The following MYO7A variants were observed in gnomAD, a reference collection of about 807,000 sequenced individuals.
MYO7A encodes the protein unconventional myosin-VIIa.
Under a neutral mutation model 263.8 loss-of-function variants are expected in MYO7A, and 210 were observed. The ratio of observed to expected loss-of-function variants is 0.80; its 90% CI spans 0.71 to 0.89. The LOEUF is 0.89. MYO7A is among the 40% of genes least tolerant of loss of function. The probability of loss-of-function intolerance (pLI) is 0.00; values close to 1 mark genes in which losing one functional copy is unlikely to be tolerated. For missense variants in MYO7A, 2,820 were observed against 2,968.3 expected (o/e 0.95, Z 1.16); for synonymous variants, 1,239 against 1,197.3 (o/e 1.03, Z -0.72).
At chr11:77,184,499 TG>T in intron 26 of MYO7A, 88 bp from the exon 27 acceptor site, 1 of 1,149,726 alleles carries the variant, frequency 8.7e-7, no homozygotes, top group Non-Finnish European at 1.3e-6. Context: ...TTCTGTTTTC[TG>T]GGGAGCAGGC....
chr11:77,162,923 A>G lies in MYO7A; in HGVS notation c.1625A>G (p.Lys542Arg), dbSNP rs1555070184. 2 of 1,613,846 alleles carry G rather than the reference A, an allele frequency of 1.2e-6. No homozygotes were observed. Among genetic ancestry groups the G allele is most frequent in the Admixed American group, 1.7e-5 (1 of 60,006 alleles). ...CTCAACGCCAACTACATCCCCCCCA[A>G]GAACAACCATGAGACCCAGTTTGGC... The part of the protein sequence containing the change: ...HKLNANYIPP[K>R]NNHETQFGIN... Residue 542 changes from lysine (K) to arginine (R), a missense_variant, in exon 14 of 49, where the codon AAG (lysine) becomes AGG (arginine). Physicochemically the swap from Lys to Arg is conservative, Grantham distance 26 (BLOSUM62 2). Coordinates refer to ENST00000409709, the MANE Select transcript of MYO7A (RefSeq NM_000260.4).
intron 11 of MYO7A, among the ~76,000 whole-genome samples, chr11:77,160,586 C>A (rs1182455177): frequency 6.6e-6 from 1 of 152,132 alleles, no homozygotes; most frequent in Non-Finnish European, 1.5e-5. Context: ...TAGGTCAGGT[C>A]CTGTTTCTAC....
chr11:77,183,289 G>A, intron 26 of MYO7A, 132 bp downstream of exon 26: 1 of 777,364 alleles, frequency 1.3e-6, no homozygotes, highest in Non-Finnish European at 2.2e-6. Flanking sequence ...AGGGGTCTTG[G>A]CTGGCCAGGG....
At position 77,160,953 on chromosome 11, in the gene MYO7A, G is replaced by A. The variant is rs573900094; in HGVS notation, c.1201-20G>A. The A allele has an allele frequency of 4.7e-5, 74 of 1,582,184 alleles. 1 individual carries two copies. The South Asian group carries it at 8.0e-4, about 17-fold the overall frequency. On this transcript the variant is annotated intron_variant, in intron 11 of 48. Coordinates refer to ENST00000409709, the MANE Select transcript of MYO7A (RefSeq NM_000260.4). Reference sequence around the variant, plus strand: ...GGGGGAGGGTGTGGCTGGTGCCAGTGGCTGATCACTGCCTTTCAGGGGATC... The same window carrying A: ...GGGGGAGGGTGTGGCTGGTGCCAGTAGCTGATCACTGCCTTTCAGGGGATC...
chr11:77,157,327 A>G lies in MYO7A; in HGVS notation c.784A>G (p.Met262Val). The G allele has an allele frequency of 1.2e-6, 2 of 1,612,552 alleles. No individual in the cohort carries two copies. The highest frequency in any genetic ancestry group is 1.3e-5 in the African/African-American group (1 of 75,028). ...YHVFYCMLEG[M>V]SEDQKKKLGL... Reference sequence around the variant, plus strand: ...CGTGTTCTACTGCATGCTGGAGGGTATGAGTGAGGATCAGAAGAAGAAGCT... The same window carrying G: ...CGTGTTCTACTGCATGCTGGAGGGTGTGAGTGAGGATCAGAAGAAGAAGCT... Residue 262 changes from methionine (M) to valine (V), a missense_variant, in exon 8 of 49, where the codon ATG becomes GTG. Physicochemically the swap from Met to Val is conservative, Grantham distance 21. Coordinates refer to ENST00000409709, the MANE Select transcript of MYO7A (RefSeq NM_000260.4).
At chr11:77,176,469 T>G (rs1453573816) in intron 18 of MYO7A, among the ~76,000 whole-genome samples, 1 of 152,116 alleles carries the variant, frequency 6.6e-6, no homozygotes, top group Non-Finnish European at 1.5e-5. Context: ...CAGAGAGAAG[T>G]GAGTTGCCTG....
At chr11:77,162,422 G>A (rs1555069716) in intron 13 of MYO7A, 92 bp downstream of exon 13, 1 of 1,236,062 alleles carries the variant, frequency 8.1e-7, no homozygotes, top group East Asian at 2.5e-5. Context: ...CTGCAAAATA[G>A]GACTAATGAT....
intron 4 of MYO7A, among the ~76,000 whole-genome samples, chr11:77,153,357 G>C (rs1555058466): frequency 2.6e-5 from 4 of 152,074 alleles, no homozygotes; most frequent in Admixed American, 6.5e-5. Context: ...TTGGAGGGAA[G>C]GGGGAGCTCT....
intron 22 of MYO7A, among the ~76,000 whole-genome samples, 179 bp from the exon 23 acceptor site, chr11:77,181,201 G>C (rs1955152483): frequency 6.6e-6 from 1 of 152,202 alleles, no homozygotes; most frequent in African/African-American, 2.4e-5. Flanking sequence ...TATTTGGCTT[G>C]TTGAGAGGCC....
intron 14 of MYO7A, 61 bp downstream of exon 14, chr11:77,163,049 A>G: frequency 6.3e-7 from 1 of 1,577,062 alleles, no homozygotes; most frequent in South Asian, 1.1e-5. Flanking sequence ...CCCCTGCTCC[A>G]GCCCAGGAAT....
At position 77,197,509 on chromosome 11, in the gene MYO7A, C is replaced by A; in HGVS notation, c.4352C>A (p.Ala1451Asp). ...KGIYAQRRTD[A>D]QKVKEDVVSY... ...ATTTATGCCCAGAGGAGAACTGATGCCCAGAAGGTCAAAGAGGATGTGGTC... is the reference window on the plus strand; with the variant it reads ...ATTTATGCCCAGAGGAGAACTGATGACCAGAAGGTCAAAGAGGATGTGGTC... Residue 1451 changes from alanine to aspartate, a missense_variant, in exon 33 of 49, where the codon GCC (alanine) becomes GAC (aspartate). Ala to Asp is a moderately radical substitution (Grantham distance 126, BLOSUM62 -2). Coordinates refer to ENST00000409709, the MANE Select transcript of MYO7A (RefSeq NM_000260.4). The A allele has an allele frequency of 1.2e-6, 2 of 1,605,834 alleles. No individual in the cohort carries two copies. Among genetic ancestry groups the A allele is most frequent in the Non-Finnish European group, 1.7e-6 (2 of 1,176,046 alleles).
At chr11:77,206,709 C>T (rs192864622) in intron 41 of MYO7A, among the ~76,000 whole-genome samples, 43 of 152,322 alleles carry the variant, frequency 2.8e-4, no homozygotes, top group African/African-American at 1.0e-3. Flanking sequence ...CTCATGGTCC[C>T]CAGCCCCTGC....
At chr11:77,191,926 C>T (rs1014185774) in intron 30 of MYO7A, 125 bp from the exon 31 acceptor site, 7 of 795,052 alleles carry the variant, frequency 8.8e-6, no homozygotes, top group South Asian at 1.8e-5. Context: ...TCCTGGGGGC[C>T]TTGGACGTGT....
At chr11:77,214,084 G>A in intron 48 of MYO7A, 105 bp downstream of exon 48, 1 of 1,507,612 alleles carries the variant, frequency 6.6e-7, no homozygotes, top group Middle Eastern at 1.9e-4. Flanking sequence ...CTGGGCCTGG[G>A]GTCGTGGGCA....
chr11:77,163,039 C>G (rs2135313600), intron 14 of MYO7A, 51 bp downstream of exon 14: 2 of 1,597,700 alleles, frequency 1.3e-6, no homozygotes, highest in Middle Eastern at 1.7e-4. Context: ...GCCCTGCCTT[C>G]CCCTGCTCCA....
intron 34 of MYO7A, among the ~76,000 whole-genome samples, 167 bp downstream of exon 34, chr11:77,198,788 G>A (rs567651882): frequency 1.3e-5 from 2 of 152,360 alleles, no homozygotes; most frequent in East Asian, 3.9e-4. Flanking sequence ...TCCTAGTGGA[G>A]GGATGGGCTT....
In MYO7A at chr11:77,172,820, A is replaced by G; in HGVS notation, c.1870A>G (p.Thr624Ala). 1 of 1,553,288 alleles carries G rather than the reference A, an allele frequency of 6.4e-7. No homozygotes were observed. Among genetic ancestry groups the G allele is most frequent in the East Asian group, 2.4e-5 (1 of 41,016 alleles). The change falls in exon 16 of 49, where the codon ACG becomes GCG. Residue 624 changes from threonine to alanine, a missense_variant. Physicochemically the swap from Thr to Ala is moderately conservative, Grantham distance 58. Transcript: ENST00000409709. ...FKRSLELLMR[T>A]LGACQPFFVR... ...GCGGTCACTGGAGCTGCTGATGCGC[A>G]CGCTGGGTGCCTGCCAGCCCTTCTT...
chr11:77,192,143 C>G lies in MYO7A; in HGVS notation c.4017C>G (p.Asn1339Lys), dbSNP rs767000906. ...YAKEQGAQERNAPWRLFFRKE... is the reference protein window; with the variant it reads ...YAKEQGAQERKAPWRLFFRKE... ...AGGAGCAGGGCGCCCAGGAGCGCAA[C>G]GCCCCCTGGAGGCTCTTCTTCCGCA... is the stretch of plus-strand genomic sequence containing the variant. The change falls in exon 31 of 49, where the codon AAC becomes AAG. Residue 1339 changes from asparagine (N) to lysine (K), a missense_variant. Transcript: ENST00000409709. The G allele has an allele frequency of 6.2e-7, 1 of 1,613,974 alleles. No homozygotes were observed. Among genetic ancestry groups the G allele is most frequent in the Non-Finnish European group, 8.5e-7 (1 of 1,179,896 alleles).
In MYO7A at chr11:77,153,597, C is replaced by T. The variant is rs927673830; in HGVS notation, c.286-2310C>T. ...TGCACGTGGCCACAGAGCCTGCTCC[C>T]AGGGCCTCCCTCCATCGGGCTCTGA... On this transcript the variant is annotated intron_variant, in intron 4 of 48. Coordinates refer to ENST00000409709, the MANE Select transcript of MYO7A (RefSeq NM_000260.4). Among the ~76,000 whole-genome samples, 49 of 152,326 alleles carry T rather than the reference C, an allele frequency of 3.2e-4. 1 individual carries two copies. The highest frequency in any genetic ancestry group is 1.2e-3 in the African/African-American group (48 of 41,576).
Sources: allele counts gnomAD v4.1 joint callset (sites outside exome capture counted in the v4.1 genomes callset), GRCh38; gene constraint gnomAD v4.1.1; transcripts MANE v1.5; gene names NCBI Gene and HGNC (gene_info 2026-07-23, HGNC 2026-07-21).